The following INTS6 variants were observed in gnomAD, a reference collection of about 807,000 sequenced individuals.
INTS6 encodes the protein DEAD box protein.
In INTS6, 16 loss-of-function variants were observed where a neutral mutation model predicts 104.9. That is an observed-to-expected ratio of 0.15 (90% CI 0.10 to 0.23). INTS6 has a LOEUF of 0.23. Among genes scored for constraint, INTS6 ranks in the 10% least tolerant of loss-of-function variants. The pLI is 1.00. For missense variants in INTS6, 584 were observed against 1,062.8 expected, an observed-to-expected ratio of 0.55 and a Z score of 6.26; for synonymous variants, 324 against 358.7, an observed-to-expected ratio of 0.90 and a Z score of 1.09.
downstream of INTS6, chr13:51,361,270 G>A: frequency 1.3e-6 from 2 of 1,594,066 alleles, no homozygotes; most frequent in Non-Finnish European, 1.7e-6. Flanking sequence ...ATCATTTTCT[G>A]TGGTTAGGCC....
chr13:51,432,260 G>C (rs1377192634), intron 3 of INTS6, among the ~76,000 whole-genome samples: 2 of 151,934 alleles, frequency 1.3e-5, no homozygotes, highest in Non-Finnish European at 2.9e-5. Context: ...AATTGGATTT[G>C]AGTGGTTCCA....
chr13:51,447,776 G>A (rs945246527), intron 3 of INTS6: 4 of 148,474 alleles, frequency 2.7e-5, no homozygotes, highest in Non-Finnish European at 4.4e-5. Flanking sequence ...TGAAAATATC[G>A]GGCCGGGTGC....
At chr13:51,421,005 C>G (rs1956887570) in intron 4 of INTS6, 17 of 435,108 alleles carry the variant, frequency 3.9e-5, no homozygotes, top group Non-Finnish European at 5.2e-5. Flanking sequence ...AAGTTAATTA[C>G]CAATTGAACC....
In INTS6 at chr13:51,378,362, T is replaced by C; in HGVS notation, c.1479A>G (p.Leu493=). ...GAAAATCTTTCCTATATGCCATTGA[T>C]AAACCATGTGATCGGCTCCGGACTT... ...GIKVRSRSHG[L]SMAYRKDFQQ... The change falls in exon 12 of 18, where the codon TTA becomes TTG. Residue 493 remains leucine, a synonymous_variant. Transcript: ENST00000311234. The C allele has an allele frequency of 1.2e-6, 2 of 1,613,510 alleles. No homozygotes were observed. The highest frequency in any genetic ancestry group is 1.7e-6 in the Non-Finnish European group (2 of 1,179,516).
chr13:51,395,179 C>T, intron 5 of INTS6, 121 bp downstream of exon 5: 2 of 921,834 alleles, frequency 2.2e-6, no homozygotes, highest in African/African-American at 1.7e-5. Flanking sequence ...AGCATATATG[C>T]CTAATTCCTA....
intron 15 of INTS6, among the ~76,000 whole-genome samples, chr13:51,371,862 T>C (rs923107260): frequency 2.0e-5 from 3 of 152,076 alleles, no homozygotes; most frequent in African/African-American, 4.8e-5. Context: ...TCTAACTAAA[T>C]TGCACACACC....
chr13:51,404,103 C>CACAGAG (rs1491389220), intron 4 of INTS6, among the ~76,000 whole-genome samples: 2,762 of 103,686 alleles, frequency 0.027, 36 homozygotes, highest in Non-Finnish European at 0.034. Flanking sequence ...CACACACACA[C>CACAGAG]AGAGAGAGAG....
intron 4 of INTS6, among the ~76,000 whole-genome samples, chr13:51,422,318 G>A (rs906133980): frequency 5.3e-5 from 8 of 152,100 alleles, no homozygotes; most frequent in Non-Finnish European, 7.4e-5. Context: ...ACTTATTTGA[G>A]AATATGATTA....
At position 51,387,527 on chromosome 13, in the gene INTS6, A is replaced by G; in HGVS notation, c.753T>C (p.Asp251=). The G allele has an allele frequency of 1.2e-6, 2 of 1,608,172 alleles. No individual in the cohort carries two copies. The highest frequency in any genetic ancestry group is 2.2e-5 in the South Asian group (2 of 90,160). The change falls in exon 7 of 18, where the codon GAT becomes GAC. Residue 251 remains aspartate, a synonymous_variant. Transcript: ENST00000311234. ...GCTGAGATCCAAAAGGCCTTGATAT[A>G]TCTGGCTGCCCATCTATAGCAAAGA... ...DPSPVEDGQP[D]ISRPFGSQPW...
intron 4 of INTS6, among the ~76,000 whole-genome samples, chr13:51,423,265 T>C (rs1452836873): frequency 1.3e-5 from 2 of 152,104 alleles, no homozygotes; most frequent in East Asian, 3.8e-4. Context: ...AGCAACTGTC[T>C]AGAAAATTAA....
At chr13:51,450,150 A>C in intron 3 of INTS6, 1 of 984,618 alleles carries the variant, frequency 1.0e-6, no homozygotes, top group Non-Finnish European at 1.2e-6. Flanking sequence ...ATATATAATT[A>C]GGAATAGTGC....
At chr13:51,397,766 A>C (rs1311511095) in intron 4 of INTS6, among the ~76,000 whole-genome samples, 2 of 152,192 alleles carry the variant, frequency 1.3e-5, no homozygotes, top group African/African-American at 2.4e-5. Context: ...TAATGGATAG[A>C]TACATGGAAC....
chr13:51,337,411 C>T, the INTS6 span, among the ~76,000 whole-genome samples: 1 of 152,350 alleles, frequency 6.6e-6, no homozygotes, highest in South Asian at 2.1e-4. Flanking sequence ...AGTCTACCTA[C>T]AGGTGATTCA....
chr13:51,416,586 T>C (rs2138053278), intron 4 of INTS6, among the ~76,000 whole-genome samples: 1 of 152,352 alleles, frequency 6.6e-6, no homozygotes, highest in South Asian at 2.1e-4. Flanking sequence ...TAATATTCCA[T>C]TGTATGGATG....
downstream of INTS6, among the ~76,000 whole-genome samples, chr13:51,360,310 G>A (rs1955552219): frequency 6.6e-6 from 1 of 151,976 alleles, no homozygotes; most frequent in African/African-American, 2.4e-5. Flanking sequence ...AAAGGCGGCA[G>A]TGTTTGAATG....
intron 3 of INTS6, chr13:51,447,524 C>T (rs1257453658): frequency 2.0e-5 from 3 of 151,840 alleles, no homozygotes; most frequent in African/African-American, 7.3e-5. Context: ...AAAAATTAAG[C>T]ACATATTTTA....
At chr13:51,379,749 G>A (rs889497697) in intron 10 of INTS6, among the ~76,000 whole-genome samples, 177 bp from the exon 11 acceptor site, 22 of 151,966 alleles carry the variant, frequency 1.4e-4, no homozygotes, top group South Asian at 4.2e-4. Flanking sequence ...ATGAAAGGCC[G>A]TTTGAAGTAG....
chr13:51,447,705 T>C (rs1472209176), intron 3 of INTS6: 4 of 136,412 alleles, frequency 2.9e-5, no homozygotes, highest in Non-Finnish European at 6.1e-5. Flanking sequence ...AAAGATATAT[T>C]GGCTAATCTT....
In INTS6 at chr13:51,378,457, A is replaced by G. The variant is rs1461021259; in HGVS notation, c.1387-3T>C. On this transcript the variant is annotated splice_polypyrimidine_tract_variant and splice_region_variant and intron_variant, in intron 11 of 17. Transcript: ENST00000311234. The stretch of plus-strand genomic sequence containing the variant: ...ACTCGATCAGATTCTATTTTGGCCT[A>G]AAGTAAAAATAAGTCAGAATTATCT... 1 of 1,602,744 alleles carries G rather than the reference A, an allele frequency of 6.2e-7. No homozygotes were observed. The highest frequency in any genetic ancestry group is 8.5e-7 in the Non-Finnish European group (1 of 1,171,054).
Sources: allele counts gnomAD v4.1 joint callset (sites outside exome capture counted in the v4.1 genomes callset), GRCh38; gene constraint gnomAD v4.1.1; transcripts MANE v1.5; gene names NCBI Gene and HGNC (gene_info 2026-07-23, HGNC 2026-07-21).